The following PSAT1 variants were observed in gnomAD, a reference collection of about 807,000 sequenced individuals.
PSAT1 encodes phosphoserine aminotransferase 1.
In PSAT1, 41 loss-of-function variants were observed where a neutral mutation model predicts 40.3. The ratio of observed to expected loss-of-function variants is 1.02; its 90% CI spans 0.79 to 1.32. The LOEUF (loss-of-function observed/expected upper bound fraction) is 1.32. Ranked by LOEUF, PSAT1 falls within the 40% of genes most tolerant of loss-of-function variation. PSAT1 has a pLI of 0.00. For synonymous variants in PSAT1, 147 were observed against 170.5 expected, an observed-to-expected ratio of 0.86 and a Z score of 1.07; for missense variants, 406 against 455.8, an observed-to-expected ratio of 0.89 and a Z score of 0.99.
chr9:78,298,422 A>G, intron 1 of PSAT1: 1 of 985,320 alleles, frequency 1.0e-6, no homozygotes, highest in Non-Finnish European at 1.2e-6. Flanking sequence ...TCCAATTTTA[A>G]AGGGGAAAGG....
At chr9:78,304,383 T>G (rs374008557) in intron 3 of PSAT1, among the ~76,000 whole-genome samples, 14 of 152,216 alleles carry the variant, frequency 9.2e-5, no homozygotes, top group African/African-American at 3.4e-4. Context: ...TTGGCCAGCC[T>G]GGGGCAGGTA....
At position 78,301,980 on chromosome 9, in the gene PSAT1, G is replaced by A; in HGVS notation, c.148G>A (p.Ala50Thr). Residue 50 changes from alanine (A) to threonine (T), a missense_variant, in exon 3 of 9, where the codon GCC (alanine) becomes ACC (threonine). By Grantham distance (58) the Ala-to-Thr change is moderately conservative. Transcript: ENST00000376588. ...LEMSHRSSDF[A>T]KIINNTENLV... ...AATGAGTCACAGGTCATCAGATTTT[G>A]CCAAGATTATTAACAATACAGAGAA... The A allele has an allele frequency of 6.2e-7, 1 of 1,611,472 alleles. No individual in the cohort carries two copies. Among genetic ancestry groups the A allele is most frequent in the Non-Finnish European group, 8.5e-7 (1 of 1,177,784 alleles).
chr9:78,311,419 C>T (rs1461951273), intron 6 of PSAT1, among the ~76,000 whole-genome samples: 1 of 151,732 alleles, frequency 6.6e-6, no homozygotes, highest in Non-Finnish European at 1.5e-5. Context: ...GAGTGCTGTT[C>T]CTGAACTGTC....
chr9:78,309,395 G>A (rs7855608), intron 6 of PSAT1, among the ~76,000 whole-genome samples: 20,107 of 152,174 alleles, frequency 0.13, 1,800 homozygotes, highest in East Asian at 0.43. Flanking sequence ...ACGGAGTCTC[G>A]CTCTGTTGCC....
At chr9:78,312,628 A>AGTGAGCC (rs1828284563) in intron 6 of PSAT1, among the ~76,000 whole-genome samples, 1 of 152,196 alleles carries the variant, frequency 6.6e-6, no homozygotes, top group African/African-American at 2.4e-5. Context: ...TCCAGGGGGC[A>AGTGAGCC]GAAGTTGCAG....
In PSAT1 at chr9:78,321,422, A is replaced by G. The variant is rs183936391; in HGVS notation, c.869+3618A>G. 5.9e-3 allele frequency among the ~76,000 whole-genome samples: 902 copies of G among 152,348 alleles called. 9 individuals carry two copies. The highest frequency in any genetic ancestry group is 0.021 in the African/African-American group (861 of 41,578). On this transcript the variant is annotated intron_variant, in intron 7 of 8. Coordinates refer to ENST00000376588, the MANE Select transcript of PSAT1 (RefSeq NM_058179.4). ...TTCTTTTCTTTGGAACTATGGAAAT[A>G]GTTGAGCAACATGGCCCCATGGGAG... is the stretch of plus-strand genomic sequence containing the variant.
intron 4 of PSAT1, among the ~76,000 whole-genome samples, chr9:78,305,833 A>G (rs1164836921): frequency 6.6e-6 from 1 of 152,202 alleles, no homozygotes; most frequent in Non-Finnish European, 1.5e-5. Flanking sequence ...GGATAGATGG[A>G]TACTGGGCGA....
intron 6 of PSAT1, among the ~76,000 whole-genome samples, chr9:78,310,146 A>G (rs997195387): frequency 6.6e-6 from 1 of 152,172 alleles, no homozygotes; most frequent in South Asian, 2.1e-4. Flanking sequence ...TAGGGCCACT[A>G]TGATGCAGAA....
intron 5 of PSAT1, 63 bp downstream of exon 5, chr9:78,306,549 T>A: frequency 6.3e-7 from 1 of 1,595,658 alleles, no homozygotes; most frequent in South Asian, 1.1e-5. Context: ...GACATTTTAA[T>A]ATATACAAGA....
intron 6 of PSAT1, among the ~76,000 whole-genome samples, chr9:78,308,955 A>AAAAT (rs1325385765): frequency 3.9e-5 from 6 of 152,180 alleles, no homozygotes; most frequent in Admixed American, 1.3e-4. Flanking sequence ...ACTCCATCTC[A>AAAAT]AAATAAATAA....
intron 7 of PSAT1, 35 bp downstream of exon 7, chr9:78,317,839 T>G (rs1184410059): frequency 6.2e-7 from 1 of 1,606,008 alleles, no homozygotes; most frequent in Non-Finnish European, 8.5e-7. Flanking sequence ...ATTTTGCCTC[T>G]TGTGAATTTA....
intron 6 of PSAT1, among the ~76,000 whole-genome samples, chr9:78,313,329 C>T (rs1828294132): frequency 6.6e-6 from 1 of 152,208 alleles, no homozygotes. Context: ...CGTGCCACTG[C>T]ACTCCAGCCG....
intron 5 of PSAT1, among the ~76,000 whole-genome samples, chr9:78,307,234 A>G (rs1271669136): frequency 6.6e-6 from 1 of 152,106 alleles, no homozygotes; most frequent in East Asian, 1.9e-4. Context: ...CCTCCATTCT[A>G]GTTTCTGTCT....
At chr9:78,299,607 G>T (rs1828078672) in intron 1 of PSAT1, among the ~76,000 whole-genome samples, 1 of 142,318 alleles carries the variant, frequency 7.0e-6, no homozygotes. Flanking sequence ...CCGCCTCCCG[G>T]GTTCCAGCGA....
intron 6 of PSAT1, 61 bp from the exon 7 acceptor site, chr9:78,317,615 G>T: frequency 6.3e-7 from 1 of 1,591,544 alleles, no homozygotes; most frequent in Non-Finnish European, 8.6e-7. Flanking sequence ...CAGTTTGCTT[G>T]AATATAGTTC....
intron 7 of PSAT1, among the ~76,000 whole-genome samples, chr9:78,325,680 G>A (rs1372032096): frequency 2.0e-5 from 3 of 152,110 alleles, no homozygotes; most frequent in East Asian, 1.9e-4. Context: ...GATTCCCTCC[G>A]GAGCCATCTC....
chr9:78,329,192 T>G lies in PSAT1; in HGVS notation c.*106T>G. The G allele has an allele frequency of 1.2e-6, 1 of 808,062 alleles. No homozygotes were observed. The highest frequency in any genetic ancestry group is 2.5e-5 in the East Asian group (1 of 39,744). The allele number at this position is 808,062 out of a possible 1,614,324, so 50.1% of individuals were successfully genotyped here. A position where few individuals can be genotyped will look rare whatever the true frequency, so the allele number is the denominator to read the frequency against. ...ACACAGTATTTTTCTCAAATGAACATGTTTATTGCAGATTCTTCTTTTTTG... is the reference window on the plus strand; with the variant it reads ...ACACAGTATTTTTCTCAAATGAACAGGTTTATTGCAGATTCTTCTTTTTTG... On this transcript the variant is annotated 3_prime_UTR_variant, in exon 9 of 9. Coordinates refer to ENST00000376588, the MANE Select transcript of PSAT1 (RefSeq NM_058179.4).
Position 78,297,260 on chromosome 9 carries a change from T to G in PSAT1, c.50T>G (p.Leu17Arg). 1 of 1,601,546 alleles carries G rather than the reference T, an allele frequency of 6.2e-7. No individual in the cohort carries two copies. The highest frequency in any genetic ancestry group is 8.5e-7 in the Non-Finnish European group (1 of 1,178,462). ...VVNFGPGPAKLPHSVLLEIQK... is the reference protein window; with the variant it reads ...VVNFGPGPAKRPHSVLLEIQK... ...AACTTTGGGCCTGGTCCCGCCAAGC[T>G]GCCGCACTCAGTAAGTCCCCGCGAG... is the stretch of plus-strand genomic sequence containing the variant. The change falls in exon 1 of 9, where the codon CTG becomes CGG. Residue 17 changes from leucine (L) to arginine (R), a missense_variant. Leu to Arg is a moderately radical substitution (Grantham distance 102). Coordinates refer to ENST00000376588, the MANE Select transcript of PSAT1 (RefSeq NM_058179.4).
At chr9:78,301,125 C>T (rs1828101580) in intron 2 of PSAT1, among the ~76,000 whole-genome samples, 1 of 152,066 alleles carries the variant, frequency 6.6e-6, no homozygotes, top group Non-Finnish European at 1.5e-5. Flanking sequence ...CATTTTTAAA[C>T]TTTAATAGCT....
Sources: gnomAD v4.1 joint callset for allele counts (sites outside exome capture counted in the v4.1 genomes callset) on GRCh38, gnomAD v4.1.1 for gene constraint, MANE v1.5 for transcripts, NCBI Gene and HGNC (gene_info 2026-07-23, HGNC 2026-07-21) for gene names.